The following TMC5 variants were observed in gnomAD, a reference collection of about 807,000 sequenced individuals.
The protein encoded by TMC5 is transmembrane channel like 5.
Under a neutral mutation model 110.5 loss-of-function variants are expected in TMC5, and 86 were observed. The ratio of observed to expected loss-of-function variants is 0.78; its 90% CI spans 0.65 to 0.93. The LOEUF (loss-of-function observed/expected upper bound fraction) is 0.93. TMC5 is among the 40% of genes least tolerant of loss of function. TMC5 has a pLI of 0.00. For synonymous variants in TMC5, 455 were observed against 439.5 expected (o/e 1.04, Z -0.44); for missense variants, 1,144 against 1,222.8 (o/e 0.94, Z 0.96).
intron 21 of TMC5, 42 bp from the exon 22 acceptor site, chr16:19,497,878 G>C (rs769672348): frequency 6.2e-7 from 1 of 1,600,832 alleles, no homozygotes; most frequent in African/African-American, 1.3e-5. Flanking sequence ...AGATGGGGCA[G>C]AGTGTGCCTG....
At chr16:19,476,351 A>AAGAAAGAGAGAAAGAGAGAGAG (rs1555485308) in intron 12 of TMC5, among the ~76,000 whole-genome samples, 3 of 152,118 alleles carry the variant, frequency 2.0e-5, no homozygotes, top group Non-Finnish European at 4.4e-5. Flanking sequence ...TGTCGGAAGA[A>AAGAAAGAGAGAAAGAGAGAGAG]AGAAAGAGAG....
intron 2 of TMC5, among the ~76,000 whole-genome samples, chr16:19,434,681 A>G (rs2143434424): frequency 6.6e-6 from 1 of 151,574 alleles, no homozygotes; most frequent in South Asian, 2.1e-4. Flanking sequence ...CTGTGTACTC[A>G]CTCCTATCTC....
At position 19,490,459 on chromosome 16, in the gene TMC5, A is replaced by T; in HGVS notation, c.2638A>T (p.Ser880Cys). ...GCCTCTCTTCATTCACTCCATCTAC[A>T]GCTGGATCGACACCCTAAGTACACG... ...GLPLFIHSIY[S>C]WIDTLSTRPG... The change falls in exon 18 of 22, where the codon AGC (serine) becomes TGC (cysteine). Residue 880 changes from serine (S) to cysteine (C), a missense_variant. By Grantham distance (112) the Ser-to-Cys change is moderately radical. Transcript: ENST00000542583. The T allele has an allele frequency of 6.2e-7, 1 of 1,614,092 alleles. No homozygotes were observed. The highest frequency in any genetic ancestry group is 8.5e-7 in the Non-Finnish European group (1 of 1,180,026).
intron 1 of TMC5, among the ~76,000 whole-genome samples, chr16:19,419,083 G>C (rs907646024): frequency 1.3e-5 from 2 of 152,186 alleles, no homozygotes; most frequent in African/African-American, 4.8e-5. Context: ...AATCAGAGAG[G>C]TATGGGTTTG....
chr16:19,471,097 T>C (rs1257514166), intron 10 of TMC5, among the ~76,000 whole-genome samples: 2 of 151,922 alleles, frequency 1.3e-5, no homozygotes, highest in African/African-American at 4.8e-5. Context: ...TTTTTTTTTT[T>C]ATGATTTTCG....
chr16:19,471,763 T>A (rs1206458398), intron 10 of TMC5, among the ~76,000 whole-genome samples: 5 of 152,150 alleles, frequency 3.3e-5, no homozygotes, highest in Non-Finnish European at 7.3e-5. Flanking sequence ...TTTGTTTATT[T>A]ATTTATTTGT....
At chr16:19,430,860 A>ATTTTT (rs3049240) in intron 2 of TMC5, among the ~76,000 whole-genome samples, 4,716 of 131,222 alleles carry the variant, frequency 0.036, 192 homozygotes, top group African/African-American at 0.06. Flanking sequence ...AATAAAAACA[A>ATTTTT]TTTTTTTTTT....
intron 4 of TMC5, among the ~76,000 whole-genome samples, chr16:19,445,688 G>A (rs1040163053): frequency 8.5e-5 from 13 of 152,078 alleles, no homozygotes; most frequent in African/African-American, 2.4e-4. Flanking sequence ...CCAATAAGAA[G>A]AGAACAAGAG....
Position 19,452,040 on chromosome 16 carries a change from C to T in TMC5, c.1048+2409C>T, listed in dbSNP as rs1199500303. On this transcript the variant is annotated intron_variant, in intron 5 of 21. Transcript: ENST00000542583. ...TCTCAAACTCCTGACCTCAACTGAT[C>T]TGCCCACCTCGGCTTCCCAAAGTGC... Among the ~76,000 whole-genome samples the T allele has an allele frequency of 2.0e-5, 3 of 152,156 alleles. No homozygotes were observed. The South Asian group carries it at 6.2e-4, about 31-fold the overall frequency.
chr16:19,429,401 A>G (rs1394863434), intron 1 of TMC5, among the ~76,000 whole-genome samples: 1 of 152,222 alleles, frequency 6.6e-6, no homozygotes, highest in East Asian at 1.9e-4. Flanking sequence ...AACATTACAC[A>G]CTGCAGATAA....
intron 21 of TMC5, 111 bp downstream of exon 21, chr16:19,497,274 G>C: frequency 8.6e-7 from 1 of 1,162,016 alleles, no homozygotes; most frequent in Non-Finnish European, 1.3e-6. Context: ...TTGCAAATTG[G>C]ATCCAAACTG....
At chr16:19,429,246 G>A (rs1967147728) in intron 1 of TMC5, among the ~76,000 whole-genome samples, 2 of 152,184 alleles carry the variant, frequency 1.3e-5, no homozygotes, top group African/African-American at 2.4e-5. Flanking sequence ...GGCTGTGAAT[G>A]TGCCTGACAC....
chr16:19,481,189 C>T (rs1031800763), intron 14 of TMC5, among the ~76,000 whole-genome samples, 181 bp from the exon 15 acceptor site: 2 of 152,164 alleles, frequency 1.3e-5, no homozygotes, highest in African/African-American at 4.8e-5. Flanking sequence ...TTCCCTCAAT[C>T]CCTTCAATTA....
At chr16:19,448,046 A>C (rs74013779) in intron 4 of TMC5, among the ~76,000 whole-genome samples, 10,625 of 150,920 alleles carry the variant, frequency 0.07, 766 homozygotes, top group African/African-American at 0.19. Flanking sequence ...CTCCCAGCTA[A>C]TTGGGAGGCT....
intron 15 of TMC5, among the ~76,000 whole-genome samples, chr16:19,484,214 G>A (rs1968684200): frequency 6.6e-6 from 1 of 152,004 alleles, no homozygotes; most frequent in African/African-American, 2.4e-5. Context: ...CTTTAAAGTT[G>A]CCCTGGGTGA....
chr16:19,470,281 C>T (rs540297421), intron 10 of TMC5, among the ~76,000 whole-genome samples: 166 of 152,054 alleles, frequency 1.1e-3, no homozygotes, highest in African/African-American at 7.5e-4. Flanking sequence ...CTCTGCCTCC[C>T]GGGTTCAGGC....
At chr16:19,418,284 T>G (rs1848165533) in intron 1 of TMC5, among the ~76,000 whole-genome samples, 192 bp downstream of exon 1, 1 of 151,532 alleles carries the variant, frequency 6.6e-6, no homozygotes, top group African/African-American at 2.4e-5. Context: ...GGCAAGAGAG[T>G]GTTGATTATG....
chr16:19,495,410 G>T (rs1439344125), intron 20 of TMC5, among the ~76,000 whole-genome samples: 1 of 152,108 alleles, frequency 6.6e-6, no homozygotes, highest in Non-Finnish European at 1.5e-5. Flanking sequence ...TTACAAAAGT[G>T]AGGCTATATT....
Position 19,478,315 on chromosome 16 carries a change from A to G in TMC5, c.2169+797A>G, listed in dbSNP as rs560414696. 7.2e-5 allele frequency among the ~76,000 whole-genome samples: 11 copies of G among 152,312 alleles called. 1 individual carries two copies. In the East Asian group the frequency reaches 2.1e-3, roughly 29 times the overall value. On this transcript the variant is annotated intron_variant, in intron 13 of 21. Transcript: ENST00000542583. ...CTGTCACCCATTATTCCTGGGCCCT[A>G]AAATAGCTCTGTTGTGTCTATACTC...
Sources: gnomAD v4.1 joint callset for allele counts (sites outside exome capture counted in the v4.1 genomes callset) on GRCh38, gnomAD v4.1.1 for gene constraint, MANE v1.5 for transcripts, NCBI Gene and HGNC (gene_info 2026-07-23, HGNC 2026-07-21) for gene names.